Variants in NSMCE2 observed in about 807,000 individuals in gnomAD.
NSMCE2 encodes the protein E3 SUMO-protein ligase NSE2.
A neutral mutation model predicts 23.8 loss-of-function variants in NSMCE2; 24 were observed. That is an observed-to-expected ratio of 1.01 (90% CI 0.73 to 1.42). The LOEUF (loss-of-function observed/expected upper bound fraction) is 1.42. NSMCE2 is among the 40% of genes most tolerant of loss of function. The pLI is 0.00. For missense variants in NSMCE2, 284 were observed against 296.5 expected (o/e 0.96, Z 0.31); for synonymous variants, 92 against 94.1 (o/e 0.98, Z 0.13).
intron 5 of NSMCE2, among the ~76,000 whole-genome samples, chr8:125,197,099 C>G (rs924048105): frequency 6.6e-6 from 1 of 152,008 alleles, no homozygotes; most frequent in Non-Finnish European, 1.5e-5. Context: ...GGATATTAGC[C>G]CTTTATCAGA....
At chr8:125,158,877 AG>A (rs1480291098) in intron 4 of NSMCE2, among the ~76,000 whole-genome samples, 2 of 152,238 alleles carry the variant, frequency 1.3e-5, no homozygotes, top group African/African-American at 4.8e-5. Context: ...GTTAAAATTC[AG>A]TGTAAAATGA....
chr8:125,328,874 A>G (rs1455102539), intron 5 of NSMCE2, among the ~76,000 whole-genome samples: 1 of 152,050 alleles, frequency 6.6e-6, no homozygotes, highest in Non-Finnish European at 1.5e-5. Context: ...CCTCTCAGAG[A>G]TGAGGAAACA....
chr8:125,160,037 G>A (rs1255092543), intron 4 of NSMCE2, among the ~76,000 whole-genome samples: 3 of 151,968 alleles, frequency 2.0e-5, no homozygotes, highest in African/African-American at 7.3e-5. Context: ...CTTGACATAT[G>A]TACACAAATA....
At chr8:125,350,238 TAGAG>T (rs751175718) in intron 5 of NSMCE2, among the ~76,000 whole-genome samples, 9 of 152,122 alleles carry the variant, frequency 5.9e-5, no homozygotes, top group Non-Finnish European at 1.0e-4. Flanking sequence ...AGTGATGTGA[TAGAG>T]AAAGTCTGTG....
intron 5 of NSMCE2, among the ~76,000 whole-genome samples, chr8:125,214,730 G>A (rs1263209021): frequency 6.6e-6 from 1 of 152,030 alleles, no homozygotes; most frequent in Non-Finnish European, 1.5e-5. Flanking sequence ...TGCAATTGAT[G>A]AACCAATATT....
At chr8:125,318,748 CCTT>C (rs1161485180) in intron 5 of NSMCE2, among the ~76,000 whole-genome samples, 1 of 152,170 alleles carries the variant, frequency 6.6e-6, no homozygotes, top group Non-Finnish European at 1.5e-5. Flanking sequence ...AGGCAATGAT[CCTT>C]GAAGACAGGA....
intron 5 of NSMCE2, among the ~76,000 whole-genome samples, chr8:125,312,599 G>A (rs897923579): frequency 3.9e-5 from 6 of 152,178 alleles, no homozygotes; most frequent in African/African-American, 1.2e-4. Context: ...CATTCCAGCC[G>A]AGGCTACAGA....
intron 4 of NSMCE2, among the ~76,000 whole-genome samples, chr8:125,172,297 A>G (rs919099539): frequency 6.6e-6 from 1 of 152,236 alleles, no homozygotes; most frequent in South Asian, 2.1e-4. Flanking sequence ...GGGAAAGCTG[A>G]GAGAATTTCT....
intron 5 of NSMCE2, among the ~76,000 whole-genome samples, chr8:125,268,786 A>G (rs1191373802): frequency 2.0e-5 from 3 of 152,178 alleles, no homozygotes; most frequent in Non-Finnish European, 2.9e-5. Context: ...CAAGAGAGGA[A>G]GTAATTTTAG....
chr8:125,322,660 A>C (rs935348893), intron 5 of NSMCE2, among the ~76,000 whole-genome samples: 1 of 152,220 alleles, frequency 6.6e-6, no homozygotes, highest in Non-Finnish European at 1.5e-5. Context: ...TCCATTGGAA[A>C]AGGAGTAGTA....
intron 5 of NSMCE2, among the ~76,000 whole-genome samples, chr8:125,284,254 C>G (rs975058019): frequency 7.0e-6 from 1 of 142,596 alleles, no homozygotes; most frequent in Non-Finnish European, 1.5e-5. Flanking sequence ...AAAAATACCC[C>G]TGAAAGACAG....
At position 125,164,568 on chromosome 8, in the gene NSMCE2, G is replaced by A. The variant is rs77121829; in HGVS notation, c.264+13291G>A. 5.9e-4 allele frequency among the ~76,000 whole-genome samples: 90 copies of A among 152,180 alleles called. 1 individual carries two copies. In the East Asian group the frequency reaches 0.016, roughly 27 times the overall value. On this transcript the variant is annotated intron_variant, in intron 4 of 7. Transcript: ENST00000287437. ...ACTGATGTGGCGTGTGTTAGAGAGG[G>A]ATTCTATTAGAATTAAGGAACTATT...
chr8:125,329,967 C>G (rs561199039), intron 5 of NSMCE2, among the ~76,000 whole-genome samples: 2 of 152,074 alleles, frequency 1.3e-5, no homozygotes, highest in South Asian at 4.2e-4. Context: ...TTCTCTCCAG[C>G]CCCCTCCGAA....
intron 3 of NSMCE2, among the ~76,000 whole-genome samples, chr8:125,138,179 A>G (rs567530594): frequency 6.6e-6 from 1 of 152,280 alleles, no homozygotes; most frequent in East Asian, 1.9e-4. Flanking sequence ...ATAGGAAGGG[A>G]GAGATCTGGC....
chr8:125,281,280 T>A (rs1827682388), intron 5 of NSMCE2, among the ~76,000 whole-genome samples: 1 of 152,212 alleles, frequency 6.6e-6, no homozygotes, highest in South Asian at 2.1e-4. Flanking sequence ...AGTGCTTTAA[T>A]ATTGGAGACA....
At chr8:125,269,098 T>A (rs7016797) in intron 5 of NSMCE2, among the ~76,000 whole-genome samples, 101,222 of 151,934 alleles carry the variant, frequency 0.67, 34,906 homozygotes, top group Non-Finnish European at 0.76. Context: ...TTTTTGTTTG[T>A]TTTTTTGAGA....
At chr8:125,296,328 G>A (rs1048004068) in intron 5 of NSMCE2, among the ~76,000 whole-genome samples, 2 of 151,698 alleles carry the variant, frequency 1.3e-5, no homozygotes, top group African/African-American at 2.4e-5. Context: ...ATGAGAGAGA[G>A]CATACCCAAA....
chr8:125,355,293 C>A (rs1813208296), intron 5 of NSMCE2, among the ~76,000 whole-genome samples: 1 of 151,820 alleles, frequency 6.6e-6, no homozygotes, highest in African/African-American at 2.4e-5. Flanking sequence ...ATTTTTATGT[C>A]TGTATTATTT....
chr8:125,343,954 C>T (rs1024553635), intron 5 of NSMCE2, among the ~76,000 whole-genome samples: 3 of 152,084 alleles, frequency 2.0e-5, no homozygotes, highest in African/African-American at 4.8e-5. Flanking sequence ...TGCAGTGAGC[C>T]GAGATCGCGC....
Sources: allele counts gnomAD v4.1 joint callset (sites outside exome capture counted in the v4.1 genomes callset), GRCh38; gene constraint gnomAD v4.1.1; transcripts MANE v1.5; gene names NCBI Gene and HGNC (gene_info 2026-07-23, HGNC 2026-07-21).